Variants in MC2R observed in about 807,000 individuals in gnomAD.
MC2R encodes the protein adrenocorticotropic hormone receptor.
MC2R carries 9 observed loss-of-function variants against 9.8 expected under a neutral mutation model. The observed-to-expected ratio is 0.92, with a 90% CI of 0.55 to 1.60. The LOEUF is 1.60. Among genes scored for constraint, MC2R ranks in the 40% most tolerant of loss-of-function variants. The pLI is 0.00. For synonymous variants in MC2R, 185 were observed against 154.7 expected (o/e 1.20, Z -1.45); for missense variants, 370 against 389.0 (o/e 0.95, Z 0.41).
intron 1 of MC2R, among the ~76,000 whole-genome samples, chr18:13,913,730 C>T (rs2045460153): frequency 6.6e-6 from 1 of 152,192 alleles, no homozygotes; most frequent in Non-Finnish European, 1.5e-5. Flanking sequence ...TGTCCTTGCC[C>T]AAGTACAGAC....
At chr18:13,914,663 A>G (rs1162689140) in intron 1 of MC2R, among the ~76,000 whole-genome samples, 1 of 151,834 alleles carries the variant, frequency 6.6e-6, no homozygotes, top group Non-Finnish European at 1.5e-5. Context: ...TGTGTGTATG[A>G]GTGTGTGTGT....
At chr18:13,891,938 A>C (rs2045317786) in intron 1 of MC2R, among the ~76,000 whole-genome samples, 3 of 152,234 alleles carry the variant, frequency 2.0e-5, no homozygotes. Context: ...TGGAAAAACT[A>C]AGCAGCAAAA....
intron 1 of MC2R, among the ~76,000 whole-genome samples, chr18:13,900,262 T>C (rs1375706058): frequency 6.6e-6 from 1 of 151,786 alleles, no homozygotes; most frequent in Non-Finnish European, 1.5e-5. Context: ...ATACAATGGA[T>C]ACACAAAAAA....
rs1315831686 is a variant in MC2R, at chr18:13,903,072, C to A, written c.-129+12416G>T. Among the ~76,000 whole-genome samples the A allele has an allele frequency of 5.3e-5, 8 of 152,110 alleles. No individual in the cohort carries two copies. In the East Asian group the frequency reaches 1.5e-3, roughly 29 times the overall value. ...ATCTCTAAAGAGGACATACACATGG[C>A]AAACAGGCATATGAAAAGGTGCTCA... On this transcript the variant is annotated intron_variant, in intron 1 of 1. Transcript: ENST00000327606.
intron 1 of MC2R, among the ~76,000 whole-genome samples, chr18:13,889,479 G>A (rs1469560505): frequency 3.3e-5 from 5 of 152,180 alleles, no homozygotes; most frequent in South Asian, 2.1e-4. Flanking sequence ...ACTGTTCAAG[G>A]GACTGCAAGG....
chr18:13,906,686 T>G (rs974035836), intron 1 of MC2R, among the ~76,000 whole-genome samples: 1 of 152,186 alleles, frequency 6.6e-6, no homozygotes, highest in African/African-American at 2.4e-5. Flanking sequence ...TCAGTAAAGT[T>G]GCAGAATACA....
rs577158416 is a variant in MC2R at position 13,912,078 on chromosome 18, A to T, written c.-129+3410T>A. On this transcript the variant is annotated intron_variant, in intron 1 of 1. Transcript: ENST00000327606. ...CTGTACTGTGTTGGGCCCACAATGC[A>T]TGTTCAGCAATTTTACTTAATACTC... is the stretch of plus-strand genomic sequence containing the variant. Among the ~76,000 whole-genome samples, 4 of 152,342 alleles carry T rather than the reference A, an allele frequency of 2.6e-5. No homozygotes were observed. The South Asian group carries it at 8.3e-4, about 32-fold the overall frequency.
intron 1 of MC2R, among the ~76,000 whole-genome samples, chr18:13,889,524 G>A (rs1483570915): frequency 6.6e-6 from 1 of 152,114 alleles, no homozygotes; most frequent in African/African-American, 2.4e-5. Context: ...TTGGCTGGGA[G>A]GGGCGCACAA....
chr18:13,884,582 G>A lies in MC2R; in HGVS notation c.*43C>T. ...GAATGTTACACTATTCTGGCACTTG[G>A]CAACGTTATTCCCATGGATTCTAAA... On this transcript the variant is annotated 3_prime_UTR_variant, in exon 2 of 2. Transcript: ENST00000327606. The A allele has an allele frequency of 3.1e-6, 5 of 1,600,422 alleles. No homozygotes were observed. Among genetic ancestry groups the A allele is most frequent in the South Asian group, 1.1e-5 (1 of 90,826 alleles).
Position 13,909,136 on chromosome 18 carries a change from C to T in MC2R, c.-129+6352G>A, listed in dbSNP as rs529503807. ...GCTTCTCTTGGTTGTGACATTTTCT[C>T]AGACTTCCCTTGCTTTTGATGACCT... On this transcript the variant is annotated intron_variant, in intron 1 of 1. Transcript: ENST00000327606. Among the ~76,000 whole-genome samples the T allele has an allele frequency of 2.0e-5, 3 of 152,328 alleles. No homozygotes were observed. The South Asian group carries it at 6.2e-4, about 32-fold the overall frequency.
At chr18:13,904,037 C>T (rs144895349) in intron 1 of MC2R, among the ~76,000 whole-genome samples, 1 of 151,354 alleles carries the variant, frequency 6.6e-6, no homozygotes, top group Non-Finnish European at 1.5e-5. Context: ...TTTGAGTCAC[C>T]CTGTTTCTTC....
At chr18:13,899,216 A>G (rs772913859) in intron 1 of MC2R, among the ~76,000 whole-genome samples, 2 of 152,226 alleles carry the variant, frequency 1.3e-5, no homozygotes, top group Non-Finnish European at 2.9e-5. Context: ...TGCAAGTGGC[A>G]TACTGATGAA....
intron 1 of MC2R, among the ~76,000 whole-genome samples, chr18:13,895,960 G>A (rs1051399190): frequency 2.0e-5 from 3 of 152,170 alleles, no homozygotes; most frequent in Non-Finnish European, 4.4e-5. Flanking sequence ...GGGGACAGAG[G>A]CAGCCCAGAG....
At position 13,885,509 on chromosome 18, in the gene MC2R, T is replaced by G; in HGVS notation, c.10A>C (p.Ile4Leu). 1 of 1,614,188 alleles carries G rather than the reference T, an allele frequency of 6.2e-7. No individual in the cohort carries two copies. Among genetic ancestry groups the G allele is most frequent in the Non-Finnish European group, 8.5e-7 (1 of 1,180,044 alleles). The change falls in exon 2 of 2, where the codon ATT becomes CTT. Residue 4 changes from isoleucine to leucine, a missense_variant. Coordinates refer to ENST00000327606, the MANE Select transcript of MC2R (RefSeq NM_000529.2). ...TTGATGTTTTCATACGAGTTGATAA[T>G]GTGCTTCATTTCTCCTGCTTGTGGT... Reference protein sequence around the residue: MKHIINSYENINNT... With the variant: MKHLINSYENINNT...
At position 13,885,312 on chromosome 18, in the gene MC2R, A is replaced by G. The variant is rs1265495036; in HGVS notation, c.207T>C (p.Ser69=). The change falls in exon 2 of 2, where the codon TCT becomes TCC. Residue 69 remains serine, a synonymous_variant. Transcript: ENST00000327606. ...TCTTATATAGGCTGCCCAGCATATC[A>G]GATATGGCCAAGCTACAGATGAAAA... ...MYFFICSLAI[S]DMLGSLYKIL... is the part of the protein sequence containing the mutation. 6.2e-7 allele frequency: 1 copy of G among 1,614,074 alleles called. No homozygotes were observed. The highest frequency in any genetic ancestry group is 1.3e-5 in the African/African-American group (1 of 74,936).
intron 1 of MC2R, among the ~76,000 whole-genome samples, chr18:13,899,023 T>A (rs2149139857): frequency 6.6e-6 from 1 of 152,138 alleles, no homozygotes; most frequent in Middle Eastern, 3.4e-3. Flanking sequence ...AATAACTAAA[T>A]AAGGCACCAA....
chr18:13,911,684 T>C (rs1432809591), intron 1 of MC2R, among the ~76,000 whole-genome samples: 3 of 152,140 alleles, frequency 2.0e-5, no homozygotes, highest in African/African-American at 4.8e-5. Context: ...GCGCCATCTA[T>C]GACAGGGTCT....
chr18:13,908,126 AC>A (rs1347303906), intron 1 of MC2R, among the ~76,000 whole-genome samples: 1 of 152,260 alleles, frequency 6.6e-6, no homozygotes, highest in Non-Finnish European at 1.5e-5. Flanking sequence ...TATGGACTCG[AC>A]CTAAGTGTCC....
intron 1 of MC2R, among the ~76,000 whole-genome samples, chr18:13,910,037 G>A (rs998058051): frequency 1.3e-5 from 2 of 152,206 alleles, no homozygotes; most frequent in Non-Finnish European, 2.9e-5. Context: ...TCTTTTAGAA[G>A]TTGTAAGTTT....
Sources: gnomAD v4.1 joint callset for allele counts (sites outside exome capture counted in the v4.1 genomes callset) on GRCh38, gnomAD v4.1.1 for gene constraint, MANE v1.5 for transcripts, NCBI Gene and HGNC (gene_info 2026-07-23, HGNC 2026-07-21) for gene names.